Variants in MAPK8 observed in about 807,000 individuals in gnomAD.
The protein encoded by MAPK8 is mitogen-activated protein kinase 8, also known as JUN N-terminal kinase.
Under a neutral mutation model 52.9 loss-of-function variants are expected in MAPK8, and 13 were observed. The observed-to-expected ratio is 0.25, with a 90% CI of 0.16 to 0.39. The LOEUF is 0.39. Ranked by LOEUF, MAPK8 falls within the 10% of genes least tolerant of loss-of-function variation. The probability of loss-of-function intolerance (pLI) is 1.00; values close to 1 mark genes in which losing one functional copy is unlikely to be tolerated. For missense variants in MAPK8, 300 were observed against 519.2 expected (o/e 0.58, Z 4.10); for synonymous variants, 191 against 169.8 (o/e 1.12, Z -0.97).
chr10:48,398,537 C>T (rs2042003356), intron 1 of MAPK8, among the ~76,000 whole-genome samples: 1 of 152,102 alleles, frequency 6.6e-6, no homozygotes. Context: ...GACAGTTTGA[C>T]AATTTCTTAA....
At position 48,436,218 on chromosome 10, in the gene MAPK8, T is replaced by C. The variant is rs916684568; in HGVS notation, c.*1189T>C. ...ATTTTCTAAGGACTGTTTCTTCACA[T>C]TGAGCAGAGCAGGCATAAATGGTGG... On this transcript the variant is annotated 3_prime_UTR_variant, in exon 12 of 12. Transcript: ENST00000374189. The C allele has an allele frequency of 3.9e-5, 6 of 152,260 alleles. No homozygotes were observed. Among genetic ancestry groups the C allele is most frequent in the African/African-American group, 1.4e-4 (6 of 41,476 alleles). 9.4% of individuals were successfully genotyped at this position (152,260 alleles called of 1,614,324 possible). A position where few individuals can be genotyped will look rare whatever the true frequency, so the allele number is the denominator to read the frequency against.
At chr10:48,411,855 C>T (rs2042770442) in intron 5 of MAPK8, among the ~76,000 whole-genome samples, 1 of 139,636 alleles carries the variant, frequency 7.2e-6, no homozygotes, top group African/African-American at 2.8e-5. Flanking sequence ...CCACCCTCTC[C>T]TCTCTTCCCC....
intron 1 of MAPK8, among the ~76,000 whole-genome samples, chr10:48,329,518 A>T (rs78261537): frequency 0.012 from 1,387 of 114,078 alleles, 9 homozygotes; most frequent in East Asian, 0.028. Flanking sequence ...CTTTTTTTTT[A>T]AAAAAAAAAT....
chr10:48,375,501 C>T (rs572842754), intron 1 of MAPK8, among the ~76,000 whole-genome samples: 3,469 of 6,780 alleles, frequency 0.51, 143 homozygotes, highest in African/African-American at 0.52. Context: ...CCCATTGTCT[C>T]AGCCCAAATC....
At chr10:48,321,703 C>T (rs1368977868) in intron 1 of MAPK8, among the ~76,000 whole-genome samples, 1 of 152,142 alleles carries the variant, frequency 6.6e-6, no homozygotes, top group Non-Finnish European at 1.5e-5. Flanking sequence ...ATAAGGAAGG[C>T]ATGTGAGGTA....
chr10:48,324,503 G>GTTTTTTTTTTTTTGTTTTTTTTTTTTT (rs529248037), intron 1 of MAPK8, among the ~76,000 whole-genome samples: 7 of 118,014 alleles, frequency 5.9e-5, no homozygotes, highest in African/African-American at 2.5e-4. Flanking sequence ...CTGTTTTCTA[G>GTTTTTTTTTTTTTGTTTTTTTTTTTTT]TTTTTTTTTT....
chr10:48,411,464 AT>A (rs1276472475), intron 5 of MAPK8, among the ~76,000 whole-genome samples: 5 of 152,218 alleles, frequency 3.3e-5, no homozygotes, highest in African/African-American at 7.2e-5. Flanking sequence ...TCTGTTTCAC[AT>A]AGCTCCTATG....
intron 10 of MAPK8, chr10:48,430,935 G>C: frequency 2.1e-6 from 1 of 483,878 alleles, no homozygotes; most frequent in Middle Eastern, 5.7e-4. Flanking sequence ...TTCTACCCCA[G>C]CACTATCAAA....
intron 1 of MAPK8, among the ~76,000 whole-genome samples, chr10:48,321,718 T>A (rs77507653): frequency 0.042 from 6,403 of 152,338 alleles, 205 homozygotes; most frequent in Non-Finnish European, 0.064. Context: ...GAGGTAATTC[T>A]TTTGCATATA....
chr10:48,317,629 G>C (rs1842630605), intron 1 of MAPK8, among the ~76,000 whole-genome samples: 1 of 152,232 alleles, frequency 6.6e-6, no homozygotes, highest in African/African-American at 2.4e-5. Context: ...CTGTATGTAG[G>C]AAAGGGGATG....
chr10:48,361,553 A>T (rs1053399783), intron 1 of MAPK8, among the ~76,000 whole-genome samples: 1 of 152,154 alleles, frequency 6.6e-6, no homozygotes, highest in Non-Finnish European at 1.5e-5. Flanking sequence ...TTATACTTTT[A>T]AAAAAGGAAA....
At chr10:48,420,355 A>AT in intron 6 of MAPK8, 35 bp downstream of exon 6, 2 of 1,534,228 alleles carry the variant, frequency 1.3e-6, no homozygotes, top group African/African-American at 1.4e-5. Context: ...TATTTTTCTG[A>AT]TTTAGCTTTT....
At chr10:48,367,669 T>C (rs1848177043) in intron 1 of MAPK8, among the ~76,000 whole-genome samples, 1 of 152,218 alleles carries the variant, frequency 6.6e-6, no homozygotes, top group South Asian at 2.1e-4. Context: ...ATCTGTAAAC[T>C]TGATGTTTCG....
At chr10:48,338,533 C>T (rs1388625363) in intron 1 of MAPK8, among the ~76,000 whole-genome samples, 1 of 152,050 alleles carries the variant, frequency 6.6e-6, no homozygotes, top group East Asian at 1.9e-4. Context: ...ACAAGGATGT[C>T]CACTCTCACC....
chr10:48,424,358 T>C (rs1023043761), intron 7 of MAPK8, among the ~76,000 whole-genome samples, 199 bp downstream of exon 7: 1 of 152,198 alleles, frequency 6.6e-6, no homozygotes, highest in Admixed American at 6.5e-5. Context: ...ATACAGTCTC[T>C]GCTGGTAGTC....
chr10:48,339,785 G>A lies in MAPK8; in HGVS notation c.-50+32964G>A, dbSNP rs867277686. On this transcript the variant is annotated intron_variant, in intron 1 of 11. Coordinates refer to ENST00000374189, the MANE Select transcript of MAPK8 (RefSeq NM_001323329.2). ...TCTCAAAAGAAGACATACGAGTGGC[G>A]AAAAAAGGTGAAATAATGTGCAACA... 6.6e-5 allele frequency among the ~76,000 whole-genome samples: 10 copies of A among 152,002 alleles called. 1 individual carries two copies. The highest frequency in any genetic ancestry group is 6.2e-4 in the South Asian group (3 of 4,828).
chr10:48,394,660 G>A (rs2041800832), intron 1 of MAPK8, among the ~76,000 whole-genome samples: 1 of 151,848 alleles, frequency 6.6e-6, no homozygotes, highest in Admixed American at 6.6e-5. Context: ...AAGACTGAAT[G>A]CTTTCTCTCT....
At position 48,438,459 on chromosome 10, in the gene MAPK8, CTTCG is replaced by C. The variant is rs1166448276; in HGVS notation, c.*3433_*3436del. 6.6e-6 allele frequency: 1 copy of C among 152,234 alleles called. No homozygotes were observed. The highest frequency in any genetic ancestry group is 1.5e-5 in the Non-Finnish European group (1 of 68,040). The allele number at this position is 152,234 out of a possible 1,614,324, so 9.4% of individuals were successfully genotyped here. ...AAGTCCTAATTTCAAACTGACTGCT[CTTCG>C]TTAAGTGCTCTTAAGGAGAGTCTAG... is the stretch of plus-strand genomic sequence containing the variant. On this transcript the variant is annotated 3_prime_UTR_variant, in exon 12 of 12. Transcript: ENST00000374189.
At chr10:48,345,531 C>T (rs1320233429) in intron 1 of MAPK8, among the ~76,000 whole-genome samples, 1 of 152,150 alleles carries the variant, frequency 6.6e-6, no homozygotes, top group Middle Eastern at 3.2e-3. Flanking sequence ...CAAGCCTAAC[C>T]ATGAAGAAAA....
Sources: allele counts gnomAD v4.1 joint callset (sites outside exome capture counted in the v4.1 genomes callset), GRCh38; gene constraint gnomAD v4.1.1; transcripts MANE v1.5; gene names NCBI Gene and HGNC (gene_info 2026-07-23, HGNC 2026-07-21).